The following GEMIN5 variants were observed in gnomAD, a reference collection of about 807,000 sequenced individuals.
GEMIN5 encodes the protein gem-associated protein 5.
GEMIN5 carries 124 observed loss-of-function variants against 176.9 expected under a neutral mutation model. The ratio of observed to expected loss-of-function variants is 0.70; its 90% CI spans 0.61 to 0.81. The LOEUF (loss-of-function observed/expected upper bound fraction) is 0.81. Among genes scored for constraint, GEMIN5 ranks in the 40% least tolerant of loss-of-function variants. The pLI, the probability that GEMIN5 is intolerant of heterozygous loss-of-function variation, is 0.00. For synonymous variants in GEMIN5, 673 were observed against 665.2 expected (o/e 1.01, Z -0.18); for missense variants, 1,843 against 1,814.6 (o/e 1.02, Z -0.28).
Position 154,898,545 on chromosome 5 carries a change from C to T in GEMIN5, c.3240G>A (p.Glu1080=). The T allele has an allele frequency of 1.2e-6, 2 of 1,614,102 alleles. No individual in the cohort carries two copies. Among genetic ancestry groups the T allele is most frequent in the East Asian group, 4.5e-5 (2 of 44,872 alleles). Residue 1080 remains glutamate, a synonymous_variant, in exon 23 of 28, where the codon GAG becomes GAA. Transcript: ENST00000285873. ...GAGCCAGGGAAGCAGACAACTCATC[C>T]TCTCCTACGATGGCAGCCAACTCTG... ...TAAELAAIVG[E]DELSASLALR...
In GEMIN5 at chr5:154,921,366, G is replaced by T; in HGVS notation, c.1439C>A (p.Pro480Gln). 6.9e-7 allele frequency: 1 copy of T among 1,457,986 alleles called. No homozygotes were observed. The highest frequency in any genetic ancestry group is 9.6e-7 in the Non-Finnish European group (1 of 1,045,450). The allele number at this position is 1,457,986 out of a possible 1,614,324, so 90.3% of individuals were successfully genotyped here. A position where few individuals can be genotyped will look rare whatever the true frequency, so the allele number is the denominator to read the frequency against. The change falls in exon 10 of 28, where the codon CCA becomes CAA. Residue 480 changes from proline (P) to glutamine (Q), a missense_variant. Physicochemically the swap from Pro to Gln is moderately conservative, Grantham distance 76. Transcript: ENST00000285873. ...KKTVYTLAWG[P>Q]PVPPMSLGGE... ...ACCAAGTGACATGGGGGGTACTGGT[G>T]GCCCCCAGGCTAAAGTATATACAGT...
intron 24 of GEMIN5, 87 bp from the exon 25 acceptor site, chr5:154,892,636 T>G: frequency 7.9e-7 from 1 of 1,265,378 alleles, no homozygotes; most frequent in Non-Finnish European, 1.1e-6. Flanking sequence ...GAACCGCATT[T>G]GGAAACAAGT....
intron 17 of GEMIN5, 49 bp from the exon 18 acceptor site, chr5:154,904,678 CAT>C: frequency 6.7e-7 from 1 of 1,483,478 alleles, no homozygotes; most frequent in East Asian, 2.3e-5. Flanking sequence ...TGATCAGAAA[CAT>C]AAAACGGAAT....
At chr5:154,901,181 T>C (rs928440232) in intron 21 of GEMIN5, among the ~76,000 whole-genome samples, 158 bp downstream of exon 21, 2 of 152,124 alleles carry the variant, frequency 1.3e-5, no homozygotes, top group Non-Finnish European at 2.9e-5. Context: ...AAAAAATTAG[T>C]TGGATGTGGT....
intron 9 of GEMIN5, among the ~76,000 whole-genome samples, chr5:154,923,624 A>T (rs774642514): frequency 7.2e-5 from 11 of 152,344 alleles, no homozygotes; most frequent in Non-Finnish European, 1.6e-4. Flanking sequence ...AATTTTATTT[A>T]ATCTTCATAT....
chr5:154,889,369 C>A lies in GEMIN5; in HGVS notation c.4311G>T (p.Arg1437Ser). ...CCATTCTCTGATTTGCCTCGGTAAG[C>A]CTTTTGGTTAACTCAGGCAGAGAAA... is the stretch of plus-strand genomic sequence containing the variant. ...EPLSLPELTK[R>S]LTEANQRMAK... The change falls in exon 27 of 28, where the codon AGG (arginine) becomes AGT (serine). Residue 1437 changes from arginine (R) to serine (S), a missense_variant. Transcript: ENST00000285873. The A allele has an allele frequency of 6.2e-7, 1 of 1,610,832 alleles. No homozygotes were observed. The highest frequency in any genetic ancestry group is 1.1e-5 in the South Asian group (1 of 90,988).
In GEMIN5 at chr5:154,938,101, G is replaced by A. The variant is rs758339784; in HGVS notation, c.33C>T (p.Ser11=). Reference sequence around the variant, plus strand: ...TGCAGCGGGCGCAGTACCAGTTGGGGGAGGGCGGCAGCGTCCGCGGCTCCT... The same window carrying A: ...TGCAGCGGGCGCAGTACCAGTTGGGAGAGGGCGGCAGCGTCCGCGGCTCCT... MGQEPRTLPP[S]PNWYCARCSD... The change falls in exon 1 of 28, where the codon TCC becomes TCT. Residue 11 remains serine, a synonymous_variant. Transcript: ENST00000285873. 2 of 1,437,718 alleles carry A rather than the reference G, an allele frequency of 1.4e-6. No homozygotes were observed. The highest frequency in any genetic ancestry group is 1.5e-5 in the African/African-American group (1 of 67,268). 89.1% of individuals were successfully genotyped at this position (1,437,718 alleles called of 1,614,324 possible).
At chr5:154,925,758 T>C (rs1272520984) in intron 8 of GEMIN5, 104 bp downstream of exon 8, 5 of 662,582 alleles carry the variant, frequency 7.5e-6, no homozygotes, top group African/African-American at 1.8e-5. Flanking sequence ...GAAAATACTT[T>C]AAAACTTTTG....
intron 21 of GEMIN5, among the ~76,000 whole-genome samples, chr5:154,900,885 G>GTCCAAAC (rs11281580): frequency 0.96 from 145,939 of 152,062 alleles, 70,091 homozygotes; most frequent in South Asian, 0.99. Context: ...AATGTAGGAG[G>GTCCAAAC]TAATTCTAGA....
intron 6 of GEMIN5, among the ~76,000 whole-genome samples, chr5:154,928,042 G>A (rs185976556): frequency 6.6e-6 from 1 of 152,072 alleles, no homozygotes; most frequent in Non-Finnish European, 1.5e-5. Flanking sequence ...AGCTAGGGAA[G>A]ACAGAAAGAC....
intron 25 of GEMIN5, 115 bp from the exon 26 acceptor site, chr5:154,891,857 G>T: frequency 2.0e-6 from 2 of 1,019,656 alleles, no homozygotes; most frequent in Non-Finnish European, 2.9e-6. Context: ...CAGGAAAAAG[G>T]ACAACAGTGT....
Position 154,924,535 on chromosome 5 carries a change from T to A in GEMIN5, c.1313A>T (p.Lys438Met). ...KVTALCWHPTKEGCLAFGTDD... is the reference protein window; with the variant it reads ...KVTALCWHPTMEGCLAFGTDD... ...AGTTCCAAAAGCTAAGCAACCTTCC[T>A]TGGTTGGGTGCCAGCACAGCTACAA... Residue 438 changes from lysine (K) to methionine (M), a missense_variant, in exon 9 of 28, where the codon AAG becomes ATG. Transcript: ENST00000285873. The A allele has an allele frequency of 6.2e-7, 1 of 1,611,574 alleles. No homozygotes were observed. Among genetic ancestry groups the A allele is most frequent in the Non-Finnish European group, 8.5e-7 (1 of 1,177,796 alleles).
At chr5:154,904,688 A>G in intron 17 of GEMIN5, 59 bp from the exon 18 acceptor site, 1 of 1,377,842 alleles carries the variant, frequency 7.3e-7, no homozygotes, top group East Asian at 2.3e-5. Context: ...CATAAAACGG[A>G]ATGCCTATTG....
At chr5:154,902,223 TCCTCCTGCCTCA>T (rs1226770734) in intron 20 of GEMIN5, among the ~76,000 whole-genome samples, 2 of 151,974 alleles carry the variant, frequency 1.3e-5, no homozygotes, top group African/African-American at 4.8e-5. Context: ...CCTTAAGCAA[TCCTCCTGCCTCA>T]GCCTCCTGAG....
intron 6 of GEMIN5, 126 bp from the exon 7 acceptor site, chr5:154,927,676 T>C: frequency 1.5e-6 from 1 of 651,238 alleles, no homozygotes; most frequent in East Asian, 2.7e-5. Flanking sequence ...AAAAATTGCA[T>C]ATGCTGAAAA....
At chr5:154,902,427 T>C (rs1763483883) in intron 20 of GEMIN5, 112 bp downstream of exon 20, 2 of 966,740 alleles carry the variant, frequency 2.1e-6, no homozygotes, top group South Asian at 3.3e-5. Context: ...TTGCTTTGTA[T>C]CTATTTGTAA....
chr5:154,931,832 T>G (rs1764171845), intron 4 of GEMIN5: 1 of 485,164 alleles, frequency 2.1e-6, no homozygotes, highest in Non-Finnish European at 3.7e-6. Flanking sequence ...CTGACCAACA[T>G]GGAGAAACCT....
Position 154,935,863 on chromosome 5 carries a change from G to C in GEMIN5, c.487C>G (p.His163Asp). 6.2e-7 allele frequency: 1 copy of C among 1,613,056 alleles called. No homozygotes were observed. ...TACCCAATGGCTACTAAATCTTCAT[G>C]ATGAGGTGAACAAGTAAGACAGAAA... ...TIFCLTCSPHHEDLVAIGYKD... is the reference protein window; with the variant it reads ...TIFCLTCSPHDEDLVAIGYKD... Residue 163 changes from histidine to aspartate, a missense_variant, in exon 3 of 28, where the codon CAT becomes GAT. Coordinates refer to ENST00000285873, the MANE Select transcript of GEMIN5 (RefSeq NM_015465.5).
chr5:154,928,990 G>A (rs1025429820), intron 5 of GEMIN5, among the ~76,000 whole-genome samples: 4 of 151,778 alleles, frequency 2.6e-5, no homozygotes, highest in East Asian at 1.9e-4. Context: ...TTGAGAGGCC[G>A]AGGCGGGAGG....
Sources: allele counts gnomAD v4.1 joint callset (sites outside exome capture counted in the v4.1 genomes callset), GRCh38; gene constraint gnomAD v4.1.1; transcripts MANE v1.5; gene names NCBI Gene and HGNC (gene_info 2026-07-23, HGNC 2026-07-21).